CRYZL1: variants seen among roughly 807,000 people sequenced by gnomAD.
CRYZL1 encodes the protein crystallin zeta like 1.
Under a neutral mutation model 50.6 loss-of-function variants are expected in CRYZL1, and 34 were observed. The ratio of observed to expected loss-of-function variants is 0.67; its 90% CI spans 0.51 to 0.89. The LOEUF is 0.89. Ranked by LOEUF, CRYZL1 falls within the 40% of genes least tolerant of loss-of-function variation. The pLI, the probability that CRYZL1 is intolerant of heterozygous loss-of-function variation, is 0.00. For synonymous variants in CRYZL1, 125 were observed against 134.3 expected (o/e 0.93, Z 0.48); for missense variants, 354 against 402.3 (o/e 0.88, Z 1.03).
At chr21:33,610,378 C>T (rs2086859105) in intron 6 of CRYZL1, among the ~76,000 whole-genome samples, 2 of 151,378 alleles carry the variant, frequency 1.3e-5, no homozygotes, top group African/African-American at 4.9e-5. Flanking sequence ...CCAGGCTGGT[C>T]TCAAACTTTT....
Position 33,589,758 on chromosome 21 carries a change from A to G in CRYZL1, c.*64T>C, listed in dbSNP as rs1404052814. On this transcript the variant is annotated 3_prime_UTR_variant, in exon 13 of 13. Transcript: ENST00000381554. ...CCTTGGTTTTTCTCAACAATTTCCAAAGAAAATTCTGGCTTCAAATACTGG... is the reference window on the plus strand; with the variant it reads ...CCTTGGTTTTTCTCAACAATTTCCAGAGAAAATTCTGGCTTCAAATACTGG... 1 of 1,083,628 alleles carries G rather than the reference A, an allele frequency of 9.2e-7. No individual in the cohort carries two copies. Among genetic ancestry groups the G allele is most frequent in the Non-Finnish European group, 1.4e-6 (1 of 722,616 alleles). The allele number at this position is 1,083,628 out of a possible 1,614,324, so 67.1% of individuals were successfully genotyped here.
chr21:33,604,691 GT>G (rs1231596837), intron 6 of CRYZL1, among the ~76,000 whole-genome samples: 2 of 152,054 alleles, frequency 1.3e-5, no homozygotes, highest in Non-Finnish European at 2.9e-5. Context: ...CATTCTTGTT[GT>G]TTTATGGCAT....
At position 33,620,902 on chromosome 21, in the gene CRYZL1, C is replaced by CTTTTTTTTT. The variant is rs1217062963; in HGVS notation, c.217+1085_217+1093dup. On this transcript the variant is annotated intron_variant, in intron 4 of 12. Transcript: ENST00000381554. ...TACCCGTAGACCAGGGGTGTCCAAT[C>CTTTTTTTTT]TTTTTTTTTTTTTTTTTTTTTTTGA... is the stretch of plus-strand genomic sequence containing the variant. 4.3e-5 allele frequency among the ~76,000 whole-genome samples: 3 copies of CTTTTTTTTT among 69,102 alleles called. 1 individual carries two copies. Among genetic ancestry groups the CTTTTTTTTT allele is most frequent in the African/African-American group, 5.3e-5 (1 of 18,728 alleles). The allele number at this position is 69,102 out of a possible 152,430, so 45.3% of individuals were successfully genotyped here. A position where few individuals can be genotyped will look rare whatever the true frequency, so the allele number is the denominator to read the frequency against.
At chr21:33,634,850 CT>C (rs1222093644) in intron 1 of CRYZL1, among the ~76,000 whole-genome samples, 3 of 147,848 alleles carry the variant, frequency 2.0e-5, no homozygotes, top group African/African-American at 7.5e-5. Context: ...GTTTGTACCC[CT>C]AGTATCCCTT....
At chr21:33,595,135 T>C in intron 11 of CRYZL1, 1 of 1,050,516 alleles carries the variant, frequency 9.5e-7, no homozygotes, top group Non-Finnish European at 1.2e-6. Flanking sequence ...TGTTTGTATA[T>C]TCCAAACTTT....
At position 33,616,711 on chromosome 21, in the gene CRYZL1, ACTT is replaced by A. The variant is rs2086937623; in HGVS notation, c.254_256del (p.Glu85del). On this transcript the variant is annotated inframe_deletion, in exon 5 of 13. Transcript: ENST00000381554. Reference sequence around the variant, plus strand: ...GACTATGAACTATAACTTACCAACTACTTCATCATCTGGTTGAAAGAATGATAC... The same window carrying A: ...GACTATGAACTATAACTTACCAACTACATCATCTGGTTGAAAGAATGATAC... The A allele has an allele frequency of 2.5e-6, 4 of 1,609,564 alleles. No homozygotes were observed. Among genetic ancestry groups the A allele is most frequent in the Non-Finnish European group, 3.4e-6 (4 of 1,177,680 alleles).
intron 8 of CRYZL1, 26 bp from the exon 9 acceptor site, chr21:33,599,274 T>C (rs2086727064): frequency 6.2e-7 from 1 of 1,613,836 alleles, no homozygotes; most frequent in Non-Finnish European, 8.5e-7. Flanking sequence ...AATCAGGCAA[T>C]TGTACTGTTC....
intron 2 of CRYZL1, among the ~76,000 whole-genome samples, chr21:33,625,858 G>C (rs117324446): frequency 6.6e-6 from 1 of 151,948 alleles, no homozygotes. Flanking sequence ...ATGGTGTCTC[G>C]CTGAGTTGCC....
intron 10 of CRYZL1, chr21:33,596,071 G>C: frequency 5.0e-6 from 3 of 595,534 alleles, no homozygotes. Flanking sequence ...TCCTGGTGGT[G>C]AAGTGGTAGG....
chr21:33,618,339 T>C (rs952343650), intron 4 of CRYZL1, among the ~76,000 whole-genome samples: 4 of 148,460 alleles, frequency 2.7e-5, no homozygotes, highest in African/African-American at 1.0e-4. Context: ...TCTCTGCATA[T>C]GTAGAGAAAA....
chr21:33,610,381 A>C (rs945986706), intron 6 of CRYZL1, among the ~76,000 whole-genome samples: 1 of 149,596 alleles, frequency 6.7e-6, no homozygotes, highest in Non-Finnish European at 1.5e-5. Context: ...GGCTGGTCTC[A>C]AACTTTTGAG....
rs2087136922 is a variant in CRYZL1, at chr21:33,631,508, A to G, written c.44T>C (p.Ile15Thr). ...TACCTTTTCTTGAAATACAAATGTTATTTCTTCATCTGTGGAACTCTGTTG... is the reference window on the plus strand; with the variant it reads ...TACCTTTTCTTGAAATACAAATGTTGTTTCTTCATCTGTGGAACTCTGTTG... ...YFQQSSTDEE[I>T]TFVFQEKEDL... The change falls in exon 2 of 13, where the codon ATA (isoleucine) becomes ACA (threonine). Residue 15 changes from isoleucine (I) to threonine (T), a missense_variant. By Grantham distance (89) the Ile-to-Thr change is moderately conservative. Transcript: ENST00000381554. 1 of 1,524,526 alleles carries G rather than the reference A, an allele frequency of 6.6e-7. No individual in the cohort carries two copies. Among genetic ancestry groups the G allele is most frequent in the Non-Finnish European group, 8.8e-7 (1 of 1,141,910 alleles). The allele number at this position is 1,524,526 out of a possible 1,614,324, so 94.4% of individuals were successfully genotyped here.
At chr21:33,622,249 G>T (rs945069953) in intron 3 of CRYZL1, among the ~76,000 whole-genome samples, 181 bp from the exon 4 acceptor site, 3 of 152,186 alleles carry the variant, frequency 2.0e-5, no homozygotes, top group African/African-American at 7.2e-5. Flanking sequence ...AGGAAACCAA[G>T]AATTTACTGA....
intron 1 of CRYZL1, 70 bp downstream of exon 1, chr21:33,641,611 T>C (rs765191460): frequency 9.1e-6 from 2 of 218,930 alleles, no homozygotes; most frequent in Non-Finnish European, 1.8e-5. Flanking sequence ...CACGGTTCTG[T>C]GGGGCATCTC....
chr21:33,641,380 T>TCTCCCAA (rs1474590145), intron 1 of CRYZL1: 1 of 1,481,958 alleles, frequency 6.7e-7, no homozygotes, highest in African/African-American at 1.4e-5. Context: ...AAACCCAACC[T>TCTCCCAA]GGGAGATTAA....
intron 5 of CRYZL1, among the ~76,000 whole-genome samples, chr21:33,614,079 G>C (rs1252297614): frequency 6.6e-6 from 1 of 151,862 alleles, no homozygotes; most frequent in Non-Finnish European, 1.5e-5. Flanking sequence ...GGCTGAGGCA[G>C]GAGAATCGCT....
At chr21:33,600,774 C>T (rs1158833478) in intron 8 of CRYZL1, among the ~76,000 whole-genome samples, 1 of 148,134 alleles carries the variant, frequency 6.8e-6, no homozygotes, top group African/African-American at 2.5e-5. Flanking sequence ...TACAGGTGCC[C>T]GCCACCATGC....
At chr21:33,599,806 A>AT (rs572878590) in intron 8 of CRYZL1, among the ~76,000 whole-genome samples, 33 of 150,764 alleles carry the variant, frequency 2.2e-4, no homozygotes, top group East Asian at 1.2e-3. Flanking sequence ...TATTTTTTTA[A>AT]TTTTTTTTTG....
At chr21:33,621,504 G>C (rs1016962108) in intron 4 of CRYZL1, among the ~76,000 whole-genome samples, 1 of 151,404 alleles carries the variant, frequency 6.6e-6, no homozygotes, top group African/African-American at 2.4e-5. Context: ...ACCACGCCCA[G>C]CTAATTTTTT....
Sources: allele counts gnomAD v4.1 joint callset (sites outside exome capture counted in the v4.1 genomes callset), GRCh38; gene constraint gnomAD v4.1.1; transcripts MANE v1.5; gene names NCBI Gene and HGNC (gene_info 2026-07-23, HGNC 2026-07-21).